The following MTUS1 variants were observed in gnomAD, a reference collection of about 807,000 sequenced individuals.
MTUS1 encodes microtubule-associated tumor suppressor 1.
A neutral mutation model predicts 120.8 loss-of-function variants in MTUS1; 109 were observed. The ratio of observed to expected loss-of-function variants is 0.90; its 90% CI spans 0.77 to 1.06. MTUS1 has a LOEUF of 1.06. MTUS1 is among the 50% of genes least tolerant of loss of function. MTUS1 has a pLI of 0.00. For synonymous variants in MTUS1, 737 were observed against 550.5 expected, an observed-to-expected ratio of 1.34 and a Z score of -4.74; for missense variants, 2,210 against 1,486.3, an observed-to-expected ratio of 1.49 and a Z score of -8.01.
intron 1 of MTUS1, among the ~76,000 whole-genome samples, chr8:17,789,036 C>CTT (rs1047810081): frequency 4.8e-5 from 7 of 144,432 alleles, no homozygotes; most frequent in African/African-American, 1.5e-4. Context: ...TTTTAGTTGT[C>CTT]TTTTTTTTTT....
intron 1 of MTUS1, among the ~76,000 whole-genome samples, chr8:17,764,402 C>CAAAAAAA (rs11400332): frequency 1.4e-5 from 2 of 138,280 alleles, no homozygotes; most frequent in African/African-American, 2.7e-5. Context: ...AAGAAAACTG[C>CAAAAAAA]AAAAAAAAAA....
intron 2 of MTUS1, among the ~76,000 whole-genome samples, chr8:17,751,862 T>TAAAAAAAAAAAAAAAAAAAAAA (rs56362055): frequency 4.1e-5 from 4 of 96,538 alleles, no homozygotes; most frequent in Non-Finnish European, 6.2e-5. Context: ...GACTCTGCCT[T>TAAAAAAAAAAAAAAAAAAAAAA]AAAAAAAAAA....
rs377128149 is a variant in MTUS1, at chr8:17,739,031, T to C, written c.2287+4573A>G. On this transcript the variant is annotated intron_variant, in intron 3 of 14. Transcript: ENST00000693296. ...GCTGACACACATCTGTGATACCAGG[T>C]ACATGGGACGCTGAGACAGGAGGAT... Among the ~76,000 whole-genome samples, 24 of 151,766 alleles carry C rather than the reference T, an allele frequency of 1.6e-4. 2 individuals are homozygous for C. Among genetic ancestry groups the C allele is most frequent in the African/African-American group, 5.1e-4 (21 of 41,328 alleles).
At chr8:17,775,138 G>T (rs192046659) in intron 1 of MTUS1, among the ~76,000 whole-genome samples, 37 of 152,214 alleles carry the variant, frequency 2.4e-4, no homozygotes, top group African/African-American at 8.2e-4. Flanking sequence ...TACAGTTTCT[G>T]TGTGGGATGA....
chr8:17,658,022 T>A (rs113968499), intron 8 of MTUS1, among the ~76,000 whole-genome samples: 1 of 36,364 alleles, frequency 2.7e-5, no homozygotes, highest in East Asian at 7.5e-4. Flanking sequence ...ACTATATATA[T>A]AGACACACAC....
At position 17,647,683 on chromosome 8, in the gene MTUS1, T is replaced by C. The variant is rs899327234; in HGVS notation, c.3502-604A>G. On this transcript the variant is annotated intron_variant, in intron 13 of 14. Transcript: ENST00000693296. ...CAGGTCAGCTGAAGATAGATAGGTC[T>C]GTTCTCTTGCTGCCCTGTGCAGGCT... Among the ~76,000 whole-genome samples, 21 of 152,320 alleles carry C rather than the reference T, an allele frequency of 1.4e-4. 1 individual carries two copies. Among genetic ancestry groups the C allele is most frequent in the Non-Finnish European group, 3.1e-4 (21 of 68,018 alleles).
chr8:17,769,696 T>C (rs1273457821), intron 1 of MTUS1, among the ~76,000 whole-genome samples: 1 of 152,128 alleles, frequency 6.6e-6, no homozygotes, highest in African/African-American at 2.4e-5. Flanking sequence ...TTTCAGGGCA[T>C]CCTATATTCT....
chr8:17,691,673 T>C (rs1816968090), intron 6 of MTUS1, among the ~76,000 whole-genome samples: 1 of 152,136 alleles, frequency 6.6e-6, no homozygotes, highest in Non-Finnish European at 1.5e-5. Flanking sequence ...CCCTGAATTT[T>C]ACCTTTTCAC....
At position 17,723,700 on chromosome 8, in the gene MTUS1, G is replaced by A; in HGVS notation, c.2421C>T (p.His807=). Residue 807 remains histidine (H), a synonymous_variant, in exon 4 of 15, where the codon CAC becomes CAT. Coordinates refer to ENST00000693296, the MANE Select transcript of MTUS1 (RefSeq NM_001363059.2). ...TGSTPSIAST[H]SELSTYSNNS... ...TGTTGCTGTAAGTGCTCAGCTCACT[G>A]TGGGTGCTGGCTATTGAGGGGGTGC... 1 of 1,610,854 alleles carries A rather than the reference G, an allele frequency of 6.2e-7. No homozygotes were observed. The highest frequency in any genetic ancestry group is 8.5e-7 in the Non-Finnish European group (1 of 1,177,764).
At chr8:17,674,007 G>C (rs17633464) in intron 8 of MTUS1, among the ~76,000 whole-genome samples, 7,808 of 152,232 alleles carry the variant, frequency 0.051, 440 homozygotes, top group East Asian at 0.24. Context: ...AAAGGGCAAG[G>C]AAATAAGCCC....
intron 1 of MTUS1, among the ~76,000 whole-genome samples, chr8:17,766,149 G>C (rs967823831): frequency 2.0e-5 from 3 of 152,154 alleles, no homozygotes; most frequent in African/African-American, 7.2e-5. Flanking sequence ...CCAAGTTCAA[G>C]TTTGCTACAG....
At chr8:17,772,398 T>G (rs569002010) in intron 1 of MTUS1, among the ~76,000 whole-genome samples, 2 of 152,208 alleles carry the variant, frequency 1.3e-5, no homozygotes, top group Non-Finnish European at 1.5e-5. Context: ...CCCTATTGTT[T>G]TCAATATCCC....
At chr8:17,786,929 A>G (rs925456087) in intron 1 of MTUS1, among the ~76,000 whole-genome samples, 2 of 152,230 alleles carry the variant, frequency 1.3e-5, no homozygotes, top group Admixed American at 6.5e-5. Context: ...ACTGTTTTGT[A>G]TCACAGCTAT....
At chr8:17,759,985 C>T (rs426294) in intron 1 of MTUS1, among the ~76,000 whole-genome samples, 56,805 of 150,592 alleles carry the variant, frequency 0.38, 11,602 homozygotes, top group East Asian at 0.79. Context: ...GAGGCAGGAG[C>T]ATCATTTGAG....
intron 1 of MTUS1, among the ~76,000 whole-genome samples, chr8:17,776,980 A>C (rs923909164): frequency 2.6e-5 from 4 of 152,168 alleles, no homozygotes; most frequent in African/African-American, 9.7e-5. Context: ...TTAAAATGGA[A>C]AACCTGGGTG....
At chr8:17,790,551 TCTAA>T (rs140333018) in intron 1 of MTUS1, among the ~76,000 whole-genome samples, 2,255 of 152,312 alleles carry the variant, frequency 0.015, 58 homozygotes, top group African/African-American at 0.051. Context: ...TGTAATGATC[TCTAA>T]CTGTCAATTT....
At chr8:17,652,900 T>TA (rs397892153) in intron 12 of MTUS1, among the ~76,000 whole-genome samples, 3 of 152,096 alleles carry the variant, frequency 2.0e-5, no homozygotes, top group African/African-American at 7.2e-5. Context: ...ATTTTTTTTT[T>TA]AAATAAAGTC....
chr8:17,707,068 A>G (rs1820317008), intron 6 of MTUS1, among the ~76,000 whole-genome samples: 1 of 152,222 alleles, frequency 6.6e-6, no homozygotes, highest in African/African-American at 2.4e-5. Context: ...GCCATAGTAC[A>G]ACGATTAAAA....
chr8:17,714,676 C>A (rs73204302), intron 5 of MTUS1, among the ~76,000 whole-genome samples: 5,043 of 152,088 alleles, frequency 0.033, 114 homozygotes, highest in Non-Finnish European at 0.052. Flanking sequence ...CTCAGTTTTG[C>A]TGGAATAAAA....
Sources: allele counts gnomAD v4.1 joint callset (sites outside exome capture counted in the v4.1 genomes callset), GRCh38; gene constraint gnomAD v4.1.1; transcripts MANE v1.5; gene names NCBI Gene and HGNC (gene_info 2026-07-23, HGNC 2026-07-21).